KCNQ5: variants seen among roughly 807,000 people sequenced by gnomAD.
KCNQ5 encodes the protein potassium voltage-gated channel subfamily Q member 5.
In KCNQ5, 30 loss-of-function variants were observed where a neutral mutation model predicts 98.2. That is an observed-to-expected ratio of 0.31 (90% CI 0.23 to 0.41). KCNQ5 has a LOEUF of 0.41. Ranked by LOEUF, KCNQ5 falls within the 10% of genes least tolerant of loss-of-function variation. The pLI, the probability that KCNQ5 is intolerant of heterozygous loss-of-function variation, is 1.00. For synonymous variants in KCNQ5, 458 were observed against 449.4 expected, an observed-to-expected ratio of 1.02 and a Z score of -0.24; for missense variants, 835 against 1,182.5, an observed-to-expected ratio of 0.71 and a Z score of 4.31.
chr6:73,092,093 T>TGG, intron 5 of KCNQ5, among the ~76,000 whole-genome samples: 1 of 148,196 alleles, frequency 6.7e-6, no homozygotes, highest in East Asian at 2.0e-4. Flanking sequence ...TTTTTTTGTT[T>TGG]GTTTGTTTTT....
chr6:73,103,491 G>C (rs10155742), intron 5 of KCNQ5, among the ~76,000 whole-genome samples: 3 of 151,278 alleles, frequency 2.0e-5, no homozygotes, highest in East Asian at 3.9e-4. Context: ...GTCATGGGGG[G>C]GGGGGAGAGG....
intron 1 of KCNQ5, among the ~76,000 whole-genome samples, chr6:72,725,124 G>C (rs1035897489): frequency 2.0e-5 from 3 of 151,730 alleles, no homozygotes; most frequent in Non-Finnish European, 2.9e-5. Flanking sequence ...CCCAAAATGT[G>C]GTTTCTATAA....
chr6:72,972,163 T>C (rs772076173), intron 1 of KCNQ5, among the ~76,000 whole-genome samples: 3 of 152,162 alleles, frequency 2.0e-5, no homozygotes, highest in Admixed American at 6.5e-5. Flanking sequence ...CCCCTACCTC[T>C]GCAAACTGCA....
chr6:72,804,703 G>A (rs1253502890), intron 1 of KCNQ5, among the ~76,000 whole-genome samples: 3 of 152,054 alleles, frequency 2.0e-5, no homozygotes, highest in African/African-American at 7.2e-5. Context: ...TGAATCATAT[G>A]GTAGCTCTAT....
At chr6:72,759,984 T>A (rs1772177429) in intron 1 of KCNQ5, among the ~76,000 whole-genome samples, 1 of 151,966 alleles carries the variant, frequency 6.6e-6, no homozygotes, top group South Asian at 2.1e-4. Context: ...GAGACAACCC[T>A]TACTAAAAGG....
chr6:73,120,706 T>C, intron 8 of KCNQ5, 129 bp downstream of exon 8: 3 of 457,104 alleles, frequency 6.6e-6, no homozygotes, highest in Middle Eastern at 3.0e-4. Flanking sequence ...CCTAAAGAGA[T>C]TCAAACCTAT....
chr6:73,111,382 C>T lies in KCNQ5; in HGVS notation c.1104C>T (p.Asn368=), dbSNP rs762253123. Residue 368 remains asparagine, a synonymous_variant, in exon 7 of 14, where the codon AAC becomes AAT. Coordinates refer to ENST00000370398, the MANE Select transcript of KCNQ5 (RefSeq NM_019842.4). ...HRQKHFEKRR[N]PAANLIQCVW... ...AGAAACACTTTGAGAAAAGAAGGAA[C>T]CCAGCTGCCAACCTCATTCAGGTAA... is the stretch of plus-strand genomic sequence containing the variant. The T allele has an allele frequency of 6.8e-6, 11 of 1,610,500 alleles. No individual in the cohort carries two copies. Among genetic ancestry groups the T allele is most frequent in the East Asian group, 6.7e-5 (3 of 44,808 alleles).
At position 73,188,898 on chromosome 6, in the gene KCNQ5, G is replaced by A. The variant is rs536159699; in HGVS notation, c.1578-1675G>A. On this transcript the variant is annotated intron_variant, in intron 11 of 13. Transcript: ENST00000370398. ...CTCGGGAGGCTGAGGCAGGAGAATC[G>A]CTTGAACCTGGGAGGCAGAAATTAC... Among the ~76,000 whole-genome samples the A allele has an allele frequency of 1.2e-3, 180 of 149,186 alleles. 1 individual carries two copies. The highest frequency in any genetic ancestry group is 4.2e-3 in the African/African-American group (171 of 40,262).
intron 1 of KCNQ5, among the ~76,000 whole-genome samples, chr6:72,836,937 A>G (rs1776531517): frequency 6.6e-6 from 1 of 152,226 alleles, no homozygotes; most frequent in Non-Finnish European, 1.5e-5. Flanking sequence ...TCATCTAGCC[A>G]TAAGATTCAT....
At chr6:72,748,014 G>A (rs917577231) in intron 1 of KCNQ5, among the ~76,000 whole-genome samples, 3 of 151,948 alleles carry the variant, frequency 2.0e-5, no homozygotes, top group Admixed American at 6.6e-5. Flanking sequence ...AGTCTTTTTC[G>A]TTGTATAATC....
chr6:72,737,946 G>T (rs1425065552), intron 1 of KCNQ5, among the ~76,000 whole-genome samples: 1 of 152,084 alleles, frequency 6.6e-6, no homozygotes, highest in African/African-American at 2.4e-5. Context: ...ACAAGGTCAG[G>T]AGATCAAGAC....
chr6:72,870,831 T>C lies in KCNQ5; in HGVS notation c.399-133077T>C, dbSNP rs950993013. ...TGCAGATTTCTTATGTATGTCATCA[T>C]GATAACTATAATTTATACTATATAT... is the stretch of plus-strand genomic sequence containing the variant. On this transcript the variant is annotated intron_variant, in intron 1 of 13. Coordinates refer to ENST00000370398, the MANE Select transcript of KCNQ5 (RefSeq NM_019842.4). 5.9e-5 allele frequency among the ~76,000 whole-genome samples: 9 copies of C among 152,350 alleles called. No homozygotes were observed. In the South Asian group the frequency reaches 8.3e-4, roughly 14 times the overall value.
intron 1 of KCNQ5, among the ~76,000 whole-genome samples, chr6:72,997,267 C>T (rs187290252): frequency 3.3e-4 from 50 of 152,152 alleles, no homozygotes; most frequent in Admixed American, 2.0e-3. Context: ...TCTGTCTACG[C>T]GGAGTCCACT....
intron 7 of KCNQ5, among the ~76,000 whole-genome samples, chr6:73,117,707 TTTAA>T (rs2150435411): frequency 6.6e-6 from 1 of 152,354 alleles, no homozygotes; most frequent in East Asian, 1.9e-4. Context: ...ATGGAAATTG[TTTAA>T]TTAAGGCAGC....
At chr6:72,671,575 A>T (rs1300143587) in intron 1 of KCNQ5, among the ~76,000 whole-genome samples, 1 of 152,174 alleles carries the variant, frequency 6.6e-6, no homozygotes. Context: ...CTTGGGCTTA[A>T]ATTTTCTAAT....
intron 1 of KCNQ5, among the ~76,000 whole-genome samples, chr6:72,920,829 T>A (rs1780358636): frequency 6.6e-6 from 1 of 152,140 alleles, no homozygotes; most frequent in Non-Finnish European, 1.5e-5. Flanking sequence ...AGTCAAGGGG[T>A]TCTGCTTGCT....
intron 5 of KCNQ5, among the ~76,000 whole-genome samples, chr6:73,093,697 C>T (rs557092511): frequency 1.2e-4 from 18 of 152,154 alleles, no homozygotes; most frequent in African/African-American, 4.3e-4. Flanking sequence ...TATTTAATTT[C>T]CATATATTTG....
At chr6:72,992,773 G>A (rs1423177180) in intron 1 of KCNQ5, among the ~76,000 whole-genome samples, 5 of 109,610 alleles carry the variant, frequency 4.6e-5, no homozygotes, top group African/African-American at 2.3e-4. Flanking sequence ...TTTACATTTT[G>A]GCATGATTTT....
At chr6:72,844,052 T>C (rs894087348) in intron 1 of KCNQ5, among the ~76,000 whole-genome samples, 8 of 152,160 alleles carry the variant, frequency 5.3e-5, no homozygotes, top group Admixed American at 1.3e-4. Flanking sequence ...GAATACCTAA[T>C]GTAGATGACG....
Sources: allele counts gnomAD v4.1 joint callset (sites outside exome capture counted in the v4.1 genomes callset), GRCh38; gene constraint gnomAD v4.1.1; transcripts MANE v1.5; gene names NCBI Gene and HGNC (gene_info 2026-07-23, HGNC 2026-07-21).